FMN1: variants seen among roughly 807,000 people sequenced by gnomAD.
FMN1 encodes the protein formin 1, also known as formin-1.
Under a neutral mutation model 132.4 loss-of-function variants are expected in FMN1, and 110 were observed. The ratio of observed to expected loss-of-function variants is 0.83; its 90% CI spans 0.71 to 0.97. FMN1 has a LOEUF of 0.97. Among genes scored for constraint, FMN1 ranks in the 50% least tolerant of loss-of-function variants. FMN1 has a pLI of 0.00. For synonymous variants in FMN1, 722 were observed against 651.7 expected (o/e 1.11, Z -1.64); for missense variants, 1,792 against 1,705.3 (o/e 1.05, Z -0.90).
chr15:33,101,697 TTA>T (rs966817250), intron 4 of FMN1, among the ~76,000 whole-genome samples: 90 of 152,278 alleles, frequency 5.9e-4, no homozygotes, highest in African/African-American at 1.9e-3. Flanking sequence ...ACAAGAGACT[TTA>T]TGTCATTGTT....
At chr15:32,983,901 T>G (rs1005317839) in intron 7 of FMN1, among the ~76,000 whole-genome samples, 5 of 152,226 alleles carry the variant, frequency 3.3e-5, no homozygotes, top group Admixed American at 2.6e-4. Flanking sequence ...AAGATGGTAC[T>G]GCCACATTCA....
intron 17 of FMN1, among the ~76,000 whole-genome samples, chr15:32,820,873 T>A (rs61655076): frequency 0.042 from 6,364 of 152,256 alleles, 215 homozygotes; most frequent in African/African-American, 0.093. Context: ...TTATCATTTT[T>A]AAATTTAAAT....
intron 16 of FMN1, among the ~76,000 whole-genome samples, chr15:32,867,900 T>G (rs1053113839): frequency 6.6e-6 from 1 of 152,232 alleles, no homozygotes; most frequent in African/African-American, 2.4e-5. Flanking sequence ...TCTCCCTCAT[T>G]AGGCAGAAAC....
At chr15:32,899,235 A>G (rs2060234977) in intron 14 of FMN1, among the ~76,000 whole-genome samples, 1 of 152,210 alleles carries the variant, frequency 6.6e-6, no homozygotes, top group African/African-American at 2.4e-5. Flanking sequence ...CAGGGCCTAG[A>G]ACAGAAAAGC....
At chr15:32,887,896 C>A (rs1303723267) in intron 16 of FMN1, among the ~76,000 whole-genome samples, 1 of 152,030 alleles carries the variant, frequency 6.6e-6, no homozygotes, top group African/African-American at 2.4e-5. Flanking sequence ...CTGCTATTAT[C>A]ATTAATAATG....
intron 9 of FMN1, among the ~76,000 whole-genome samples, chr15:32,961,326 G>A (rs1330948038): frequency 6.6e-6 from 1 of 151,954 alleles, no homozygotes; most frequent in Non-Finnish European, 1.5e-5. Context: ...TAGAGACGGG[G>A]TTTCCCGAAA....
chr15:33,004,274 A>G (rs2034285633), intron 7 of FMN1, among the ~76,000 whole-genome samples: 1 of 152,240 alleles, frequency 6.6e-6, no homozygotes. Context: ...GAATGGGAGA[A>G]AATTTTTGCA....
chr15:32,990,361 G>A (rs774772230), intron 7 of FMN1, among the ~76,000 whole-genome samples: 15 of 152,144 alleles, frequency 9.9e-5, no homozygotes, highest in South Asian at 2.1e-4. Flanking sequence ...TGTTGAGGGA[G>A]GAGTTCGAGG....
intron 17 of FMN1, among the ~76,000 whole-genome samples, chr15:32,812,049 A>T (rs945428749): frequency 1.6e-4 from 22 of 137,956 alleles, no homozygotes; most frequent in Admixed American, 7.3e-4. Context: ...CAAACAAACA[A>T]AACCACGAAA....
In FMN1 at chr15:32,766,305, T is replaced by C. The variant is rs950745484; in HGVS notation, c.*8005A>G. On this transcript the variant is annotated 3_prime_UTR_variant, in exon 21 of 21. Transcript: ENST00000616417. ...CAGGGGTAGATGTTTGAATCATGAATAGTAGTAAGAATGGAGCGGCAATAA... is the reference window on the plus strand; with the variant it reads ...CAGGGGTAGATGTTTGAATCATGAACAGTAGTAAGAATGGAGCGGCAATAA... The C allele has an allele frequency of 3.9e-5, 6 of 152,166 alleles. No individual in the cohort carries two copies. Among genetic ancestry groups the C allele is most frequent in the Non-Finnish European group, 4.4e-5 (3 of 68,028 alleles). The allele number at this position is 152,166 out of a possible 1,614,324, so 9.4% of individuals were successfully genotyped here.
intron 5 of FMN1, among the ~76,000 whole-genome samples, chr15:33,070,629 G>A (rs1301235537): frequency 3.3e-5 from 5 of 152,088 alleles, no homozygotes; most frequent in African/African-American, 1.2e-4. Flanking sequence ...TTGGTCCCAG[G>A]AGATTATCTG....
intron 10 of FMN1, among the ~76,000 whole-genome samples, chr15:32,918,716 T>C (rs1243380326): frequency 6.6e-6 from 1 of 152,146 alleles, no homozygotes; most frequent in Non-Finnish European, 1.5e-5. Flanking sequence ...GAGAAACAGT[T>C]TGGGTTAAGC....
chr15:32,817,113 C>T (rs1202538857), intron 17 of FMN1, among the ~76,000 whole-genome samples: 3 of 152,170 alleles, frequency 2.0e-5, no homozygotes, highest in African/African-American at 7.2e-5. Context: ...TCTATTTACA[C>T]GAAACCTCTG....
At chr15:33,006,179 A>C (rs1236255313) in intron 7 of FMN1, among the ~76,000 whole-genome samples, 1 of 152,220 alleles carries the variant, frequency 6.6e-6, no homozygotes, top group African/African-American at 2.4e-5. Context: ...AAAATATTTA[A>C]GGAATTCAAA....
chr15:32,987,188 C>T (rs79308314), intron 7 of FMN1, among the ~76,000 whole-genome samples: 6,539 of 152,132 alleles, frequency 0.043, 188 homozygotes, highest in Middle Eastern at 0.11. Flanking sequence ...AAGGTTAATA[C>T]CTAACCATAA....
intron 7 of FMN1, among the ~76,000 whole-genome samples, chr15:33,005,318 G>A (rs2034357334): frequency 6.6e-6 from 1 of 152,044 alleles, no homozygotes; most frequent in South Asian, 2.1e-4. Flanking sequence ...GGCAACAACA[G>A]TTGTTTAAGT....
intron 8 of FMN1, among the ~76,000 whole-genome samples, chr15:32,967,628 A>G (rs2031366399): frequency 6.6e-6 from 1 of 152,240 alleles, no homozygotes; most frequent in African/African-American, 2.4e-5. Flanking sequence ...GAATTTTGTA[A>G]AAAAGAAGTA....
intron 5 of FMN1, among the ~76,000 whole-genome samples, chr15:33,070,386 C>CTTTT (rs34096484): frequency 7.4e-6 from 1 of 134,372 alleles, no homozygotes; most frequent in African/African-American, 2.8e-5. Flanking sequence ...CGTATTTGGT[C>CTTTT]TTTTTTTTTT....
chr15:33,093,749 G>T (rs1415921633), intron 4 of FMN1, among the ~76,000 whole-genome samples: 1 of 152,200 alleles, frequency 6.6e-6, no homozygotes, highest in Non-Finnish European at 1.5e-5. Flanking sequence ...GAGAAAGGCT[G>T]ATGGCAAATC....
Sources: allele counts gnomAD v4.1 joint callset (sites outside exome capture counted in the v4.1 genomes callset), GRCh38; gene constraint gnomAD v4.1.1; transcripts MANE v1.5; gene names NCBI Gene and HGNC (gene_info 2026-07-23, HGNC 2026-07-21).